The following EPG5 variants were observed in gnomAD, a reference collection of about 807,000 sequenced individuals.
EPG5 encodes the protein ectopic P-granules 5 autophagy tethering factor.
EPG5 carries 159 observed loss-of-function variants against 302.7 expected under a neutral mutation model. That is an observed-to-expected ratio of 0.53 (90% CI 0.46 to 0.60). The LOEUF is 0.60. Among genes scored for constraint, EPG5 ranks in the 20% least tolerant of loss-of-function variants. The pLI, the probability that EPG5 is intolerant of heterozygous loss-of-function variation, is 0.00. For missense variants in EPG5, 2,896 were observed against 3,092.4 expected, an observed-to-expected ratio of 0.94 and a Z score of 1.51; for synonymous variants, 1,158 against 1,136.8, an observed-to-expected ratio of 1.02 and a Z score of -0.37.
intron 14 of EPG5, among the ~76,000 whole-genome samples, chr18:45,924,483 G>A (rs913868534): frequency 2.0e-5 from 3 of 152,200 alleles, no homozygotes; most frequent in Non-Finnish European, 2.9e-5. Context: ...ATGCTGTCCA[G>A]GACTAAATGA....
intron 42 of EPG5, among the ~76,000 whole-genome samples, chr18:45,856,373 T>C (rs1599420892): frequency 6.6e-6 from 1 of 152,194 alleles, no homozygotes; most frequent in East Asian, 1.9e-4. Context: ...TGTCAATTAG[T>C]GGTTACTAGA....
intron 36 of EPG5, among the ~76,000 whole-genome samples, chr18:45,869,638 AT>A (rs1284753314): frequency 6.6e-6 from 1 of 152,232 alleles, no homozygotes; most frequent in East Asian, 1.9e-4. Context: ...CATATACTAA[AT>A]CTAGCTATAA....
chr18:45,831,601 A>G, the EPG5 span, among the ~76,000 whole-genome samples: 6 of 152,252 alleles, frequency 3.9e-5, no homozygotes, highest in Non-Finnish European at 7.3e-5. Flanking sequence ...TAAACTCTCA[A>G]TAAATACCTA....
the EPG5 span, among the ~76,000 whole-genome samples, chr18:45,804,467 T>C: frequency 6.6e-6 from 1 of 152,224 alleles, no homozygotes; most frequent in Middle Eastern, 3.4e-3. Context: ...AAGAAAAACA[T>C]GCCTGGGCAC....
chr18:45,903,982 G>A lies in EPG5; in HGVS notation c.4465C>T (p.Pro1489Ser). 6.2e-7 allele frequency: 1 copy of A among 1,608,442 alleles called. No homozygotes were observed. Among genetic ancestry groups the A allele is most frequent in the Non-Finnish European group, 8.5e-7 (1 of 1,178,920 alleles). Residue 1489 changes from proline to serine, a missense_variant, in exon 25 of 44, where the codon CCT becomes TCT. Around this residue, in one of 5 missense-constraint regions of EPG5, gnomAD observed 790 missense variants for 798.0 expected, o/e 0.99. Transcript: ENST00000282041. Reference protein sequence around the residue: ...SLSVQLDFTDPLLAKERVLSN... With the variant: ...SLSVQLDFTDSLLAKERVLSN... ...TGCTCCCAGGACCCACCCAGCAAAG[G>A]ATCAGTGAAGTCCAGCTGCACGGAC... is the stretch of plus-strand genomic sequence containing the variant.
At chr18:45,883,626 T>G (rs545465839) in intron 30 of EPG5, among the ~76,000 whole-genome samples, 43 of 137,124 alleles carry the variant, frequency 3.1e-4, no homozygotes, top group African/African-American at 5.2e-4. Flanking sequence ...TTTTTTTTTT[T>G]TTTTTTTTTT....
At chr18:45,802,770 T>C in the EPG5 span, among the ~76,000 whole-genome samples, 2 of 152,250 alleles carry the variant, frequency 1.3e-5, no homozygotes, top group African/African-American at 4.8e-5. Context: ...TAGGATCTCA[T>C]GCTCTCTTGA....
At chr18:45,895,392 C>A (rs186268486) in intron 27 of EPG5, among the ~76,000 whole-genome samples, 1 of 152,228 alleles carries the variant, frequency 6.6e-6, no homozygotes, top group African/African-American at 2.4e-5. Context: ...GTAAATAGCT[C>A]TTTTGTTCGT....
chr18:45,902,944 T>C (rs1352846540), intron 25 of EPG5, among the ~76,000 whole-genome samples: 3 of 152,218 alleles, frequency 2.0e-5, no homozygotes, highest in African/African-American at 7.2e-5. Flanking sequence ...AGTTAATGCA[T>C]ATAAAGCACT....
At chr18:45,858,900 G>C (rs2048574336) in intron 40 of EPG5, 118 bp from the exon 41 acceptor site, 1 of 722,194 alleles carries the variant, frequency 1.4e-6, no homozygotes, top group Non-Finnish European at 2.3e-6. Context: ...CAACCTATGA[G>C]ATAATAAGCT....
At chr18:45,821,249 A>G in the EPG5 span, among the ~76,000 whole-genome samples, 2 of 152,204 alleles carry the variant, frequency 1.3e-5, no homozygotes, top group South Asian at 4.1e-4. Flanking sequence ...GTGCTCTCTG[A>G]AGCACTGTGA....
intron 1 of EPG5, among the ~76,000 whole-genome samples, chr18:45,958,052 T>C (rs2051068697): frequency 6.6e-6 from 1 of 152,070 alleles, no homozygotes; most frequent in South Asian, 2.1e-4. Flanking sequence ...GAGTTGACAA[T>C]CAGAAAATGA....
chr18:45,910,448 AAC>A, intron 23 of EPG5, 71 bp downstream of exon 23: 1 of 1,145,016 alleles, frequency 8.7e-7, no homozygotes, highest in Non-Finnish European at 1.3e-6. Flanking sequence ...AGCAGTTTGT[AAC>A]ACAGTTAACT....
In EPG5 at chr18:45,948,590, A is replaced by G. The variant is rs778986561; in HGVS notation, c.1498-14T>C. The G allele has an allele frequency of 3.1e-6, 5 of 1,606,002 alleles. No individual in the cohort carries two copies. In the East Asian group the frequency reaches 1.1e-4, roughly 36 times the overall value. On this transcript the variant is annotated splice_polypyrimidine_tract_variant and intron_variant, in intron 5 of 43. Transcript: ENST00000282041. ...CAACACTTTGATCTGAAATCAGAAAAGCAAAAAGCATACTGTAGAAAACAA... is the reference window on the plus strand; with the variant it reads ...CAACACTTTGATCTGAAATCAGAAAGGCAAAAAGCATACTGTAGAAAACAA...
intron 32 of EPG5, 93 bp downstream of exon 32, chr18:45,879,982 G>A: frequency 2.2e-6 from 3 of 1,379,754 alleles, no homozygotes; most frequent in African/African-American, 1.4e-5. Flanking sequence ...GGCTCTTAAA[G>A]ATAATGCACA....
chr18:45,954,037 T>C, intron 2 of EPG5: 2 of 479,586 alleles, frequency 4.2e-6, no homozygotes, highest in South Asian at 1.8e-4. Flanking sequence ...TGCTAACATT[T>C]GCAAATTAGG....
intron 5 of EPG5, among the ~76,000 whole-genome samples, chr18:45,949,024 G>C (rs1157991104): frequency 6.6e-6 from 1 of 152,172 alleles, no homozygotes; most frequent in Admixed American, 6.5e-5. Flanking sequence ...GCAGAGAGGA[G>C]AATCTAAAAA....
intron 11 of EPG5, among the ~76,000 whole-genome samples, chr18:45,931,192 AACTTC>A (rs2050388438): frequency 6.6e-6 from 1 of 152,234 alleles, no homozygotes; most frequent in Non-Finnish European, 1.5e-5. Context: ...CAGTACTGCC[AACTTC>A]AAAGGCACAC....
the EPG5 span, among the ~76,000 whole-genome samples, chr18:45,826,474 GGCA>G: frequency 6.6e-6 from 1 of 152,170 alleles, no homozygotes; most frequent in African/African-American, 2.4e-5. Context: ...CAGAGTATCA[GGCA>G]GCAAGTCCTA....
Sources: allele counts gnomAD v4.1 joint callset (sites outside exome capture counted in the v4.1 genomes callset), GRCh38; gene constraint gnomAD v4.1.1; regional missense constraint gnomAD v4.1.1; transcripts MANE v1.5; gene names NCBI Gene and HGNC (gene_info 2026-07-23, HGNC 2026-07-21).